Variants in MCTP1 observed in about 807,000 individuals in gnomAD.
The protein encoded by MCTP1 is multiple C2 and transmembrane domain containing 1, also known as multiple C2 and transmembrane domain-containing protein 1.
A neutral mutation model predicts 120.6 loss-of-function variants in MCTP1; 69 were observed. The ratio of observed to expected loss-of-function variants is 0.57; its 90% CI spans 0.47 to 0.70. The LOEUF is 0.70. Ranked by LOEUF, MCTP1 falls within the 30% of genes least tolerant of loss-of-function variation. The pLI is 0.00. For synonymous variants in MCTP1, 529 were observed against 493.1 expected (o/e 1.07, Z -0.96); for missense variants, 1,203 against 1,248.8 (o/e 0.96, Z 0.55).
chr5:95,140,245 C>T (rs954144606), intron 1 of MCTP1, among the ~76,000 whole-genome samples: 1 of 152,094 alleles, frequency 6.6e-6, no homozygotes, highest in East Asian at 1.9e-4. Flanking sequence ...GATTCTGGTC[C>T]TGTTTTCCAC....
chr5:94,786,120 A>T (rs1405112040), intron 18 of MCTP1, among the ~76,000 whole-genome samples: 1 of 152,176 alleles, frequency 6.6e-6, no homozygotes, highest in Non-Finnish European at 1.5e-5. Flanking sequence ...CTTTTGGACC[A>T]TATTGATCTG....
chr5:94,891,512 T>G (rs1802598947), intron 11 of MCTP1, among the ~76,000 whole-genome samples: 1 of 152,172 alleles, frequency 6.6e-6, no homozygotes, highest in Admixed American at 6.5e-5. Flanking sequence ...TAAATCAAGT[T>G]CTATTTTGAC....
chr5:95,182,990 C>T (rs1044044393), intron 1 of MCTP1, among the ~76,000 whole-genome samples: 2 of 148,126 alleles, frequency 1.4e-5, no homozygotes, highest in Non-Finnish European at 3.0e-5. Context: ...CGCACCATTG[C>T]ACTCCAGCCT....
At chr5:94,928,187 T>C (rs1035027966) in intron 6 of MCTP1, among the ~76,000 whole-genome samples, 1 of 147,754 alleles carries the variant, frequency 6.8e-6, no homozygotes, top group Non-Finnish European at 1.5e-5. Context: ...TACCCATTGG[T>C]AAATTCATTA....
intron 2 of MCTP1, among the ~76,000 whole-genome samples, chr5:94,965,690 T>C (rs187693362): frequency 3.5e-4 from 54 of 152,322 alleles, no homozygotes; most frequent in African/African-American, 1.1e-3. Context: ...ATTTGATAAA[T>C]TCGTGCACAT....
chr5:95,180,254 C>T (rs1748458968), intron 1 of MCTP1, among the ~76,000 whole-genome samples: 1 of 152,136 alleles, frequency 6.6e-6, no homozygotes, highest in Non-Finnish European at 1.5e-5. Flanking sequence ...GACAAAAAGT[C>T]AACAAAGAAA....
chr5:94,781,201 T>G (rs1189003260), intron 18 of MCTP1, among the ~76,000 whole-genome samples: 1 of 151,870 alleles, frequency 6.6e-6, no homozygotes, highest in Non-Finnish European at 1.5e-5. Flanking sequence ...ATGAGATGAA[T>G]ACTATACTTT....
At chr5:95,246,966 G>A (rs1398512998) in intron 1 of MCTP1, among the ~76,000 whole-genome samples, 1 of 152,098 alleles carries the variant, frequency 6.6e-6, no homozygotes, top group African/African-American at 2.4e-5. Flanking sequence ...AGAAGAAATG[G>A]TACCAGCTCC....
intron 1 of MCTP1, among the ~76,000 whole-genome samples, chr5:95,193,727 A>C (rs1413008497): frequency 6.6e-6 from 1 of 152,224 alleles, no homozygotes; most frequent in East Asian, 1.9e-4. Flanking sequence ...GTCTTTTATC[A>C]GTCAAAGTCC....
intron 19 of MCTP1, among the ~76,000 whole-genome samples, chr5:94,738,220 A>G (rs1489195491): frequency 6.6e-6 from 1 of 152,186 alleles, no homozygotes; most frequent in African/African-American, 2.4e-5. Context: ...GCAGAATAAT[A>G]TCTTTTGAAA....
At chr5:94,839,364 A>G (rs1406321485) in intron 17 of MCTP1, among the ~76,000 whole-genome samples, 2 of 152,168 alleles carry the variant, frequency 1.3e-5, no homozygotes, top group East Asian at 1.9e-4. Context: ...CACCCAGAGT[A>G]GGAGGTCATT....
chr5:95,188,399 T>C (rs1344039282), intron 1 of MCTP1, among the ~76,000 whole-genome samples: 3 of 152,210 alleles, frequency 2.0e-5, no homozygotes, highest in Non-Finnish European at 2.9e-5. Context: ...GCAATTGTGC[T>C]CTTGGGCATT....
chr5:94,927,291 T>C (rs1393660476), intron 6 of MCTP1, among the ~76,000 whole-genome samples: 3 of 152,216 alleles, frequency 2.0e-5, no homozygotes, highest in African/African-American at 2.4e-5. Flanking sequence ...CTATTTACCA[T>C]TTGTTCATTG....
intron 1 of MCTP1, among the ~76,000 whole-genome samples, chr5:95,241,091 T>G (rs1424101970): frequency 6.6e-6 from 1 of 152,192 alleles, no homozygotes; most frequent in African/African-American, 2.4e-5. Context: ...TGAAACCTTA[T>G]TGAGCACATA....
chr5:95,071,570 ATTC>A (rs146147402), intron 1 of MCTP1, among the ~76,000 whole-genome samples: 5,263 of 149,502 alleles, frequency 0.035, 117 homozygotes, highest in Non-Finnish European at 0.058. Context: ...TATGAGTGAT[ATTC>A]ATGATGATTT....
chr5:94,779,732 A>G (rs1776179545), intron 18 of MCTP1, among the ~76,000 whole-genome samples: 1 of 152,144 alleles, frequency 6.6e-6, no homozygotes, highest in Admixed American at 6.6e-5. Flanking sequence ...CTCTCATTTT[A>G]ATTCTCTGTG....
chr5:94,776,684 A>G (rs1030906991), intron 19 of MCTP1, among the ~76,000 whole-genome samples: 3 of 152,226 alleles, frequency 2.0e-5, no homozygotes, highest in African/African-American at 4.8e-5. Flanking sequence ...AATGAGAGCT[A>G]GAGGTCAGTA....
chr5:95,048,954 A>G (rs1029302002), intron 1 of MCTP1, among the ~76,000 whole-genome samples: 1 of 152,172 alleles, frequency 6.6e-6, no homozygotes, highest in African/African-American at 2.4e-5. Flanking sequence ...CCATTGGAAA[A>G]GAGTCAAAAA....
chr5:94,742,689 A>C (rs2152757258), intron 19 of MCTP1, among the ~76,000 whole-genome samples: 1 of 152,142 alleles, frequency 6.6e-6, no homozygotes, highest in South Asian at 2.1e-4. Context: ...AAGGATTAAC[A>C]TTACATTTTT....
Sources: gnomAD v4.1 joint callset for allele counts (sites outside exome capture counted in the v4.1 genomes callset) on GRCh38, gnomAD v4.1.1 for gene constraint, MANE v1.5 for transcripts, NCBI Gene and HGNC (gene_info 2026-07-23, HGNC 2026-07-21) for gene names.